The following HOXC5 variants were observed in gnomAD, a reference collection of about 807,000 sequenced individuals.
HOXC5 encodes the protein homeobox protein Hox-C5.
A neutral mutation model predicts 20.1 loss-of-function variants in HOXC5; 19 were observed. The observed-to-expected ratio is 0.94, with a 90% confidence interval of 0.66 to 1.38. The LOEUF (loss-of-function observed/expected upper bound fraction) is 1.38. Among genes scored for constraint, HOXC5 ranks in the 40% most tolerant of loss-of-function variants. The probability of loss-of-function intolerance (pLI) is 0.00; values close to 1 mark genes in which losing one functional copy is unlikely to be tolerated. For missense variants in HOXC5, 330 were observed against 300.1 expected (o/e 1.10, Z -0.74); for synonymous variants, 124 against 117.0 (o/e 1.06, Z -0.39).
upstream of HOXC5, chr12:54,028,267 A>ATAT (rs3031476): frequency 9.3e-5 from 7 of 75,366 alleles, no homozygotes; most frequent in Admixed American, 3.5e-4. Flanking sequence ...ATATATATAT[A>ATAT]TTTTTTAAAA....
chr12:54,028,269 T>A (rs113274515), upstream of HOXC5: 2,160 of 72,218 alleles, frequency 0.03, 52 homozygotes, highest in South Asian at 0.043. Context: ...ATATATATAT[T>A]TTTTAAAAGA....
upstream of HOXC5, chr12:54,029,515 G>A (rs1940899076): frequency 3.6e-6 from 3 of 841,200 alleles, no homozygotes; most frequent in Non-Finnish European, 5.5e-6. Context: ...GTGGGGCAAG[G>A]CAAAAGGGAG....
chr12:54,033,001 G>T, upstream of HOXC5: 1 of 748,906 alleles, frequency 1.3e-6, no homozygotes, highest in Non-Finnish European at 2.2e-6. Context: ...ATAGGATAAA[G>T]AAAGAGATAT....
chr12:54,034,362 T>G lies in HOXC5; in HGVS notation c.539T>G (p.Leu180Arg). 1 of 1,614,180 alleles carries G rather than the reference T, an allele frequency of 6.2e-7. No homozygotes were observed. Residue 180 changes from leucine (L) to arginine (R), a missense_variant, in exon 2 of 2, where the codon CTC becomes CGC. By Grantham distance (102) the Leu-to-Arg change is moderately radical. Coordinates refer to ENST00000312492, the MANE Select transcript of HOXC5 (RefSeq NM_018953.4). ...AAAGAATTCCACTTTAACCGCTACC[T>G]CACTCGCCGCAGGCGCATAGAGATC... is the stretch of plus-strand genomic sequence containing the variant. ...LEKEFHFNRYLTRRRRIEIAN... is the reference protein window; with the variant it reads ...LEKEFHFNRYRTRRRRIEIAN...
the HOXC5 span, among the ~76,000 whole-genome samples, chr12:54,019,445 C>T: frequency 3.9e-5 from 6 of 152,154 alleles, no homozygotes; most frequent in East Asian, 9.7e-4. Context: ...AAGAGGGGCC[C>T]GAGAGGCCCG....
the HOXC5 span, among the ~76,000 whole-genome samples, chr12:54,025,765 G>A: frequency 2.3e-4 from 35 of 151,884 alleles, no homozygotes; most frequent in African/African-American, 6.8e-4. Context: ...CTCTCAGGTC[G>A]CCAACCTCCC....
intron 1 of HOXC5, 58 bp from the exon 2 acceptor site, chr12:54,034,219 CG>C: frequency 6.8e-7 from 1 of 1,467,942 alleles, no homozygotes; most frequent in Non-Finnish European, 9.5e-7. Context: ...GGGGTGGGGA[CG>C]GGGGAACGCT....
At chr12:54,028,995 G>C (rs947512898), upstream of HOXC5, 1 of 1,432,656 alleles carries the variant, frequency 7.0e-7, no homozygotes, top group Non-Finnish European at 9.4e-7. Flanking sequence ...TAGAAGAACG[G>C]GCGGAGAGAG....
At chr12:54,018,385 G>C in the HOXC5 span, among the ~76,000 whole-genome samples, 1 of 152,212 alleles carries the variant, frequency 6.6e-6, no homozygotes, top group South Asian at 2.1e-4. Flanking sequence ...AGGCTGGGCG[G>C]GGACAGGCCC....
At chr12:54,032,985 G>A, upstream of HOXC5, 2 of 686,488 alleles carry the variant, frequency 2.9e-6, no homozygotes, top group Non-Finnish European at 4.8e-6. Context: ...TATTTGGGAA[G>A]AGCGCATAGG....
At chr12:54,030,000 C>T, upstream of HOXC5, 1 of 1,466,328 alleles carries the variant, frequency 6.8e-7, no homozygotes, top group Non-Finnish European at 9.1e-7. Context: ...CCCTTTCTCC[C>T]TCGCTCCCCA....
At chr12:54,030,158 C>A, upstream of HOXC5, 1 of 538,220 alleles carries the variant, frequency 1.9e-6, no homozygotes, top group Admixed American at 3.3e-5. Flanking sequence ...TTTCACCACG[C>A]GCCTCCTCCT....
chr12:54,025,939 C>T, the HOXC5 span, among the ~76,000 whole-genome samples: 2 of 152,134 alleles, frequency 1.3e-5, no homozygotes, highest in Non-Finnish European at 2.9e-5. Context: ...AGGTCCTTCC[C>T]TCCCCCACCC....
the HOXC5 span, among the ~76,000 whole-genome samples, chr12:54,025,526 T>C: frequency 2.0e-4 from 3 of 15,204 alleles, no homozygotes; most frequent in Non-Finnish European, 2.9e-4. Context: ...TGAAAGGTAA[T>C]TGGGGGGGGG....
the HOXC5 span, among the ~76,000 whole-genome samples, chr12:54,026,971 G>GT: frequency 3.6e-5 from 5 of 138,436 alleles, no homozygotes; most frequent in Non-Finnish European, 6.5e-5. Context: ...TGGTGGGGGG[G>GT]GGGGGATATG....
In HOXC5 at chr12:54,033,353, C is replaced by T; in HGVS notation, c.231C>T (p.Ser77=). Residue 77 remains serine (S), a synonymous_variant, in exon 1 of 2, where the codon AGC becomes AGT. Coordinates refer to ENST00000312492, the MANE Select transcript of HOXC5 (RefSeq NM_018953.4). Reference sequence around the variant, plus strand: ...CTCACCCCGACCGCCCCGCCTGCAGCGCCGCGGCCGCTCCGGGACACGCTC... The same window carrying T: ...CTCACCCCGACCGCCCCGCCTGCAGTGCCGCGGCCGCTCCGGGACACGCTC... ...PRAHPDRPAC[S]AAAAPGHAPG... 1.9e-6 allele frequency: 3 copies of T among 1,612,730 alleles called. No individual in the cohort carries two copies. The highest frequency in any genetic ancestry group is 1.7e-5 in the Admixed American group (1 of 59,954).
At chr12:54,026,501 C>T in the HOXC5 span, among the ~76,000 whole-genome samples, 1 of 152,204 alleles carries the variant, frequency 6.6e-6, no homozygotes, top group Admixed American at 6.5e-5. Flanking sequence ...TCTACCCTTT[C>T]CCCTTCATTT....
chr12:54,019,019 G>C, the HOXC5 span, among the ~76,000 whole-genome samples: 3 of 152,154 alleles, frequency 2.0e-5, no homozygotes. Context: ...AGATCAAACC[G>C]TTTGGGCCAG....
Position 54,035,273 on chromosome 12 carries a change from CCCATTGCTGTTGT to C in HOXC5, c.*785_*797del, listed in dbSNP as rs1460258896. On this transcript the variant is annotated 3_prime_UTR_variant, in exon 2 of 2. Coordinates refer to ENST00000312492, the MANE Select transcript of HOXC5 (RefSeq NM_018953.4). ...GCCACGAATTTCTGTGCCCTCCTGA[CCCATTGCTGTTGT>C]CCAACTATTTATTGACTCTGGGTCC... is the stretch of plus-strand genomic sequence containing the variant. 3 of 152,748 alleles carry C rather than the reference CCCATTGCTGTTGT, an allele frequency of 2.0e-5. No homozygotes were observed. The highest frequency in any genetic ancestry group is 7.2e-5 in the African/African-American group (3 of 41,468). The allele number at this position is 152,748 out of a possible 1,614,324, so 9.5% of individuals were successfully genotyped here. A position where few individuals can be genotyped will look rare whatever the true frequency, so the allele number is the denominator to read the frequency against.
Sources: gnomAD v4.1 joint callset for allele counts (sites outside exome capture counted in the v4.1 genomes callset) on GRCh38, gnomAD v4.1.1 for gene constraint, MANE v1.5 for transcripts, NCBI Gene and HGNC (gene_info 2026-07-23, HGNC 2026-07-21) for gene names.